Variants in COX10 observed in about 807,000 individuals in gnomAD.
The protein encoded by COX10 is cytochrome c oxidase assembly factor heme A:farnesyltransferase COX10, also known as protoheme IX farnesyltransferase, mitochondrial.
A neutral mutation model predicts 37.3 loss-of-function variants in COX10; 27 were observed. The ratio of observed to expected loss-of-function variants is 0.72; its 90% CI spans 0.53 to 1.00. The LOEUF is 1.00. Among genes scored for constraint, COX10 ranks in the 50% least tolerant of loss-of-function variants. The pLI is 0.00. For missense variants in COX10, 475 were observed against 563.2 expected (o/e 0.84, Z 1.59); for synonymous variants, 222 against 229.1 (o/e 0.97, Z 0.28).
chr17:14,169,515 A>G (rs1905393369), intron 5 of COX10, among the ~76,000 whole-genome samples: 1 of 152,096 alleles, frequency 6.6e-6, no homozygotes, highest in Non-Finnish European at 1.5e-5. Flanking sequence ...GTCCATTTTC[A>G]CACTGCTGTA....
chr17:14,133,358 A>G (rs962958966), intron 4 of COX10, among the ~76,000 whole-genome samples: 1 of 151,666 alleles, frequency 6.6e-6, no homozygotes, highest in Non-Finnish European at 1.5e-5. Flanking sequence ...ATTTGTAAAA[A>G]GTTCAAATTA....
chr17:14,187,157 A>G (rs898579989), intron 5 of COX10, among the ~76,000 whole-genome samples: 6 of 151,926 alleles, frequency 3.9e-5, no homozygotes, highest in African/African-American at 1.5e-4. Flanking sequence ...TCTCTGGAGT[A>G]CAGCCTGACA....
chr17:14,164,193 G>A (rs1387181773), intron 5 of COX10, among the ~76,000 whole-genome samples: 3 of 152,182 alleles, frequency 2.0e-5, no homozygotes, highest in Non-Finnish European at 4.4e-5. Context: ...TGGTTTTTGA[G>A]CAATCTTGTG....
At chr17:14,155,714 C>CA (rs766447620) in intron 4 of COX10, among the ~76,000 whole-genome samples, 228 of 118,562 alleles carry the variant, frequency 1.9e-3, no homozygotes, top group African/African-American at 5.0e-3. Flanking sequence ...GACTCCATCT[C>CA]AAAAAAAAAA....
intron 4 of COX10, among the ~76,000 whole-genome samples, chr17:14,147,768 C>T (rs1363983696): frequency 6.7e-6 from 1 of 149,212 alleles, no homozygotes; most frequent in Non-Finnish European, 1.5e-5. Context: ...TACTACGTAC[C>T]TATAAAAATT....
At chr17:14,201,860 C>A (rs1048954980) in intron 6 of COX10, among the ~76,000 whole-genome samples, 1 of 152,194 alleles carries the variant, frequency 6.6e-6, no homozygotes, top group Admixed American at 6.5e-5. Flanking sequence ...CAGCGTGACC[C>A]CACGCCCCAA....
At chr17:14,088,839 A>T (rs1185389231) in intron 3 of COX10, among the ~76,000 whole-genome samples, 1 of 152,208 alleles carries the variant, frequency 6.6e-6, no homozygotes. Context: ...TTTTGTCCTC[A>T]GACCATGAGA....
chr17:14,173,956 C>T (rs1226353084), intron 5 of COX10, among the ~76,000 whole-genome samples: 5 of 151,818 alleles, frequency 3.3e-5, no homozygotes, highest in African/African-American at 9.7e-5. Context: ...GAGGACTCTT[C>T]GATAAAACAC....
intron 3 of COX10, among the ~76,000 whole-genome samples, chr17:14,094,086 A>G (rs1436954717): frequency 6.6e-6 from 1 of 152,162 alleles, no homozygotes; most frequent in Non-Finnish European, 1.5e-5. Flanking sequence ...CAAATATTAG[A>G]CATAAACCAT....
chr17:14,153,771 C>T (rs892199832), intron 4 of COX10, among the ~76,000 whole-genome samples: 3 of 152,144 alleles, frequency 2.0e-5, no homozygotes, highest in Admixed American at 1.3e-4. Context: ...AAGCATATGT[C>T]CATACAAAGA....
chr17:14,166,323 C>G (rs1905281590), intron 5 of COX10, among the ~76,000 whole-genome samples: 1 of 152,176 alleles, frequency 6.6e-6, no homozygotes, highest in South Asian at 2.1e-4. Flanking sequence ...GCTCATTTAC[C>G]ATTCCAAAAA....
At chr17:14,203,240 TTA>T (rs958635369) in intron 6 of COX10, among the ~76,000 whole-genome samples, 2 of 151,776 alleles carry the variant, frequency 1.3e-5, no homozygotes, top group Non-Finnish European at 2.9e-5. Flanking sequence ...TATATAAATT[TTA>T]TATATATATG....
chr17:14,098,349 T>A (rs903587382), intron 3 of COX10, among the ~76,000 whole-genome samples: 1 of 152,170 alleles, frequency 6.6e-6, no homozygotes, highest in African/African-American at 2.4e-5. Context: ...GGTAGAATTC[T>A]GATACAAAAG....
chr17:14,135,156 G>C lies in COX10; in HGVS notation c.625-24721G>C, dbSNP rs183176103. Among the ~76,000 whole-genome samples the C allele has an allele frequency of 4.6e-5, 7 of 151,664 alleles. No homozygotes were observed. In the East Asian group the frequency reaches 1.4e-3, roughly 29 times the overall value. On this transcript the variant is annotated intron_variant, in intron 4 of 6. Coordinates refer to ENST00000261643, the MANE Select transcript of COX10 (RefSeq NM_001303.4). Reference sequence around the variant, plus strand: ...CATATTTGAATAGGTAAAACATTTAGAAATTTTATATAGTATTCTCTTTGC... The same window carrying C: ...CATATTTGAATAGGTAAAACATTTACAAATTTTATATAGTATTCTCTTTGC...
intron 4 of COX10, among the ~76,000 whole-genome samples, chr17:14,150,120 A>T (rs1904847007): frequency 6.6e-6 from 1 of 152,058 alleles, no homozygotes; most frequent in South Asian, 2.1e-4. Flanking sequence ...AACAATACAA[A>T]AACTTAGCCG....
intron 4 of COX10, among the ~76,000 whole-genome samples, chr17:14,131,306 GAGGT>G (rs1392360643): frequency 1.3e-5 from 2 of 152,054 alleles, no homozygotes; most frequent in Non-Finnish European, 2.9e-5. Flanking sequence ...AACAGATGAT[GAGGT>G]AGTTCTATCT....
chr17:14,155,329 T>A (rs1468747051), intron 4 of COX10, among the ~76,000 whole-genome samples: 4 of 144,732 alleles, frequency 2.8e-5, no homozygotes, highest in African/African-American at 2.6e-5. Context: ...AACATCTACA[T>A]AAAAAAAAAA....
chr17:14,106,499 G>A (rs1324339648), intron 4 of COX10, among the ~76,000 whole-genome samples: 1 of 152,072 alleles, frequency 6.6e-6, no homozygotes. Flanking sequence ...AAAATATGTG[G>A]TCATGTCAAG....
intron 1 of COX10, among the ~76,000 whole-genome samples, chr17:14,071,415 T>A (rs1915019043): frequency 6.6e-6 from 1 of 152,160 alleles, no homozygotes; most frequent in Middle Eastern, 3.4e-3. Flanking sequence ...TGCTAGTAAG[T>A]GGTCTGTATA....
Sources: gnomAD v4.1 joint callset for allele counts (sites outside exome capture counted in the v4.1 genomes callset) on GRCh38, gnomAD v4.1.1 for gene constraint, MANE v1.5 for transcripts, NCBI Gene and HGNC (gene_info 2026-07-23, HGNC 2026-07-21) for gene names.